ZNF521: variants seen among roughly 807,000 people sequenced by gnomAD.
ZNF521 encodes zinc finger protein 521.
Under a neutral mutation model 105.5 loss-of-function variants are expected in ZNF521, and 14 were observed. The observed-to-expected ratio is 0.13, with a 90% CI of 0.09 to 0.21. ZNF521 has a LOEUF of 0.21. Among genes scored for constraint, ZNF521 ranks in the 10% least tolerant of loss-of-function variants. ZNF521 has a pLI of 1.00. For missense variants in ZNF521, 1,233 were observed against 1,629.7 expected, an observed-to-expected ratio of 0.76 and a Z score of 4.19; for synonymous variants, 635 against 606.0, an observed-to-expected ratio of 1.05 and a Z score of -0.70.
chr18:25,295,271 G>A (rs368425057), intron 3 of ZNF521, among the ~76,000 whole-genome samples: 1 of 152,074 alleles, frequency 6.6e-6, no homozygotes, highest in Non-Finnish European at 1.5e-5. Context: ...TGTATTCTTT[G>A]TCATCTTGTT....
intron 5 of ZNF521, among the ~76,000 whole-genome samples, chr18:25,186,904 T>C (rs1179649602): frequency 1.3e-5 from 1 of 74,338 alleles, no homozygotes; most frequent in Non-Finnish European, 3.1e-5. Flanking sequence ...AAAGTAATGC[T>C]AAAAAAAAAA....
intron 7 of ZNF521, among the ~76,000 whole-genome samples, chr18:25,083,474 C>T (rs1431394521): frequency 6.6e-6 from 1 of 152,164 alleles, no homozygotes; most frequent in Non-Finnish European, 1.5e-5. Flanking sequence ...ACAGAGCCAA[C>T]GTTCTGTGAG....
chr18:25,078,956 G>T (rs895411010), intron 7 of ZNF521, among the ~76,000 whole-genome samples: 1 of 152,196 alleles, frequency 6.6e-6, no homozygotes. Flanking sequence ...ACCCTCTGCC[G>T]GCTCTGGGCT....
intron 2 of ZNF521, among the ~76,000 whole-genome samples, chr18:25,342,637 C>T (rs904476726): frequency 6.6e-6 from 1 of 151,464 alleles, no homozygotes; most frequent in Non-Finnish European, 1.5e-5. Context: ...ACCGTGTTAG[C>T]CAGGATGGTC....
At chr18:25,273,190 G>A (rs1169085332) in intron 3 of ZNF521, among the ~76,000 whole-genome samples, 3 of 114,562 alleles carry the variant, frequency 2.6e-5, no homozygotes, top group African/African-American at 3.4e-5. Context: ...TCGCTCCTCT[G>A]TGCTCCCAAG....
chr18:25,292,246 T>TGTCGGATACTTTATTCTG (rs149787514), intron 3 of ZNF521, among the ~76,000 whole-genome samples: 9,301 of 152,232 alleles, frequency 0.061, 418 homozygotes, highest in Non-Finnish European at 0.084. Context: ...CTGACTCAGA[T>TGTCGGATACTTTATTCTG]GTCGGATACT....
chr18:25,212,418 G>A (rs1163666854), intron 4 of ZNF521, among the ~76,000 whole-genome samples: 3 of 143,500 alleles, frequency 2.1e-5, no homozygotes, highest in African/African-American at 7.8e-5. Context: ...GCTGAGGCAG[G>A]AGAATCACTT....
At chr18:25,327,610 A>C (rs1280079200) in intron 2 of ZNF521, 1 of 548,240 alleles carries the variant, frequency 1.8e-6, no homozygotes, top group East Asian at 5.4e-5. Flanking sequence ...AGAAGTAGAA[A>C]GCCTTCCTGG....
At chr18:25,282,000 T>TTGAA (rs1490644222) in intron 3 of ZNF521, among the ~76,000 whole-genome samples, 6 of 152,200 alleles carry the variant, frequency 3.9e-5, no homozygotes, top group Admixed American at 2.0e-4. Flanking sequence ...AGGATCCTGT[T>TTGAA]TTTCAGACTC....
chr18:25,163,853 A>G (rs1173509134), intron 5 of ZNF521, among the ~76,000 whole-genome samples: 1 of 152,180 alleles, frequency 6.6e-6, no homozygotes, highest in East Asian at 1.9e-4. Flanking sequence ...ACATATCAGA[A>G]GGTTCCTTTT....
intron 7 of ZNF521, among the ~76,000 whole-genome samples, chr18:25,071,365 T>A (rs2033217600): frequency 6.6e-6 from 1 of 152,162 alleles, no homozygotes. Flanking sequence ...ATCAAGACCA[T>A]CCATATACCA....
chr18:25,121,648 AG>A (rs2034446563), intron 5 of ZNF521, among the ~76,000 whole-genome samples: 1 of 152,128 alleles, frequency 6.6e-6, no homozygotes. Context: ...CCACCACTGG[AG>A]GGGGACAGTG....
chr18:25,210,496 G>C (rs550703031), intron 4 of ZNF521, among the ~76,000 whole-genome samples: 65 of 152,176 alleles, frequency 4.3e-4, no homozygotes, highest in African/African-American at 1.5e-3. Context: ...CCTTGATATG[G>C]GGATTTTTAT....
intron 5 of ZNF521, among the ~76,000 whole-genome samples, chr18:25,168,828 G>GTGTT (rs1644445692): frequency 6.6e-6 from 1 of 152,150 alleles, no homozygotes; most frequent in Non-Finnish European, 1.5e-5. Context: ...CTAAGTGTGA[G>GTGTT]TAAACTGGGA....
rs1466613703 is a variant in ZNF521, at chr18:25,224,994, G to A, written c.2924C>T (p.Thr975Ile). ...GERFPSLLTL[T>I]EHKVTHSKSL... ...CTTACTATGCGTGACTTTGTGTTCAGTAAGAGTTAAAAGGGAGGGAAACCG... is the reference window on the plus strand; with the variant it reads ...CTTACTATGCGTGACTTTGTGTTCAATAAGAGTTAAAAGGGAGGGAAACCG... Residue 975 changes from threonine to isoleucine, a missense_variant, in exon 4 of 8, where the codon ACT becomes ATT. Around this residue, in one of 6 missense-constraint regions of ZNF521, gnomAD observed 614 missense variants for 751.5 expected, o/e 0.82. Transcript: ENST00000361524. 3.1e-6 allele frequency: 5 copies of A among 1,614,114 alleles called. No individual in the cohort carries two copies. In the Admixed American group the frequency reaches 8.3e-5, roughly 27 times the overall value.
intron 3 of ZNF521, among the ~76,000 whole-genome samples, chr18:25,269,343 G>A (rs531416467): frequency 6.6e-6 from 1 of 152,252 alleles, no homozygotes; most frequent in East Asian, 1.9e-4. Flanking sequence ...AATAGTGGGA[G>A]ACTTTATTGA....
At chr18:25,267,839 G>A (rs1909376176) in intron 3 of ZNF521, among the ~76,000 whole-genome samples, 1 of 152,078 alleles carries the variant, frequency 6.6e-6, no homozygotes, top group Non-Finnish European at 1.5e-5. Flanking sequence ...AACACAAAAA[G>A]CCTGAAAAAT....
chr18:25,288,133 C>A (rs941121830), intron 3 of ZNF521, among the ~76,000 whole-genome samples: 1 of 152,106 alleles, frequency 6.6e-6, no homozygotes, highest in Non-Finnish European at 1.5e-5. Flanking sequence ...ATAAACTGGG[C>A]GTGATGTGCA....
intron 7 of ZNF521, among the ~76,000 whole-genome samples, chr18:25,078,132 G>C (rs1245000892): frequency 6.6e-6 from 1 of 152,154 alleles, no homozygotes; most frequent in East Asian, 1.9e-4. Flanking sequence ...AAGAGGCCCA[G>C]GAGTTATTCA....
Sources: allele counts gnomAD v4.1 joint callset (sites outside exome capture counted in the v4.1 genomes callset), GRCh38; gene constraint gnomAD v4.1.1; regional missense constraint gnomAD v4.1.1; transcripts MANE v1.5; gene names NCBI Gene and HGNC (gene_info 2026-07-23, HGNC 2026-07-21).